The following AP1M1 variants were observed in gnomAD, a reference collection of about 807,000 sequenced individuals.
AP1M1 encodes the protein AP-1 complex subunit mu-1.
AP1M1 carries 18 observed loss-of-function variants against 57.1 expected under a neutral mutation model. The observed-to-expected ratio is 0.32, with a 90% CI of 0.22 to 0.47. The LOEUF (loss-of-function observed/expected upper bound fraction) is 0.47, where lower values mean the gene tolerates loss of function less well. Among genes scored for constraint, AP1M1 ranks in the 20% least tolerant of loss-of-function variants. The pLI is 1.00. For missense variants in AP1M1, 362 were observed against 593.5 expected (o/e 0.61, Z 4.05); for synonymous variants, 241 against 237.9 (o/e 1.01, Z -0.12).
intron 5 of AP1M1, among the ~76,000 whole-genome samples, chr19:16,225,204 G>A (rs1303148753): frequency 6.6e-6 from 1 of 152,186 alleles, no homozygotes; most frequent in African/African-American, 2.4e-5. Flanking sequence ...GCTTTTGTTT[G>A]TCTACCCAGT....
In AP1M1 at chr19:16,232,685, C is replaced by A. The variant is rs146318710; in HGVS notation, c.1048-808C>A. 9.2e-3 allele frequency among the ~76,000 whole-genome samples: 1,399 copies of A among 152,334 alleles called. 6 individuals are homozygous for A. The highest frequency in any genetic ancestry group is 0.027 in the Middle Eastern group (8 of 294). On this transcript the variant is annotated intron_variant, in intron 9 of 11. Coordinates refer to ENST00000291439, the MANE Select transcript of AP1M1 (RefSeq NM_032493.4). ...GGCCCTGCCCCAGGTGCACGGGGAC[C>A]GCCCCTGCTGTGAGGCAGAAACAGC...
Position 16,198,043 on chromosome 19 carries a change from T to C in AP1M1, c.17T>C (p.Val6Ala), listed in dbSNP as rs776608508. 1 of 1,557,236 alleles carries C rather than the reference T, an allele frequency of 6.4e-7. No homozygotes were observed. Among genetic ancestry groups the C allele is most frequent in the South Asian group, 1.1e-5 (1 of 87,946 alleles). The change falls in exon 1 of 12, where the codon GTC becomes GCC. Residue 6 changes from valine (V) to alanine (A), a missense_variant. Around this residue, in one of 2 missense-constraint regions of AP1M1, gnomAD observed 337 missense variants for 511.1 expected, o/e 0.66. Transcript: ENST00000291439. ...GCAGCCATCATGTCCGCCAGCGCCG[T>C]CTACGTGCTGGACCTGAAGGGCAAG... is the stretch of plus-strand genomic sequence containing the variant. The part of the protein sequence containing the change: MSASA[V>A]YVLDLKGKVL...
intron 5 of AP1M1, among the ~76,000 whole-genome samples, chr19:16,224,013 C>A (rs1315841272): frequency 5.9e-5 from 9 of 152,366 alleles, no homozygotes; most frequent in South Asian, 4.1e-4. Context: ...AGCACGCTTG[C>A]TCAGCCCCAG....
chr19:16,209,193 T>C lies in AP1M1; in HGVS notation c.546+16T>C, dbSNP rs2091482818. The C allele has an allele frequency of 6.2e-7, 1 of 1,613,020 alleles. No homozygotes were observed. Among genetic ancestry groups the C allele is most frequent in the Non-Finnish European group, 8.5e-7 (1 of 1,179,512 alleles). ...CAACCTCTTGGTAGGCCTCTTTTCT[T>C]TCCTTCTTCTGTAGGGTTTTATCTC... is the stretch of plus-strand genomic sequence containing the variant. On this transcript the variant is annotated intron_variant, in intron 5 of 11. Coordinates refer to ENST00000291439, the MANE Select transcript of AP1M1 (RefSeq NM_032493.4).
At chr19:16,199,435 G>A (rs926797094) in intron 1 of AP1M1, among the ~76,000 whole-genome samples, 2 of 152,184 alleles carry the variant, frequency 1.3e-5, no homozygotes, top group Admixed American at 1.3e-4. Context: ...TGGCTGCCTG[G>A]CCTGTTGCAT....
At chr19:16,214,930 G>A (rs2091511171) in intron 5 of AP1M1, among the ~76,000 whole-genome samples, 1 of 151,088 alleles carries the variant, frequency 6.6e-6, no homozygotes, top group African/African-American at 2.4e-5. Flanking sequence ...TATGTTTTTG[G>A]TAGAGATGGG....
chr19:16,215,201 GGGGGGGGGGGAGA>G (rs1233898078), intron 5 of AP1M1, among the ~76,000 whole-genome samples: 459 of 10,220 alleles, frequency 0.045, 158 homozygotes, highest in Non-Finnish European at 0.13. Context: ...AGGCGGGGGC[GGGGGGGGGGGAGA>G]GGGGGGAGGG....
In AP1M1 at chr19:16,242,271, C is replaced by CTA. The variant is rs986425633; in HGVS notation, c.*7837_*7838insAT. The CTA allele has an allele frequency of 5.3e-5, 8 of 151,740 alleles. No homozygotes were observed. The highest frequency in any genetic ancestry group is 1.9e-4 in the African/African-American group (8 of 41,322). The allele number at this position is 151,740 out of a possible 1,614,324, so 9.4% of individuals were successfully genotyped here. A position where few individuals can be genotyped will look rare whatever the true frequency, so the allele number is the denominator to read the frequency against. Reference sequence around the variant, plus strand: ...GCTGCAGTGAGCTGTGATTGCACCACTGCACTCCAGGTTGGGTGACAGAGT... The same window carrying CTA: ...GCTGCAGTGAGCTGTGATTGCACCACTATGCACTCCAGGTTGGGTGACAGAGT... On this transcript the variant is annotated 3_prime_UTR_variant, in exon 12 of 12. Coordinates refer to ENST00000291439, the MANE Select transcript of AP1M1 (RefSeq NM_032493.4).
intron 5 of AP1M1, among the ~76,000 whole-genome samples, chr19:16,217,520 G>A (rs113669969): frequency 0.015 from 2,329 of 152,198 alleles, 59 homozygotes; most frequent in African/African-American, 0.053. Flanking sequence ...CCATGGGGCC[G>A]CTGTGCAGGA....
Position 16,234,584 on chromosome 19 carries a change from A to C in AP1M1, c.*149A>C. 1.1e-6 allele frequency: 1 copy of C among 947,426 alleles called. No homozygotes were observed. Among genetic ancestry groups the C allele is most frequent in the Admixed American group, 2.2e-5 (1 of 45,136 alleles). 58.7% of individuals were successfully genotyped at this position (947,426 alleles called of 1,614,324 possible). A position where few individuals can be genotyped will look rare whatever the true frequency, so the allele number is the denominator to read the frequency against. ...CAGGGACCCCTGCCTTCCCCAGGCC[A>C]TCTGCTCTGCCGTCGACACTCGTCT... is the stretch of plus-strand genomic sequence containing the variant. On this transcript the variant is annotated 3_prime_UTR_variant, in exon 12 of 12. Transcript: ENST00000291439.
At chr19:16,224,534 C>T (rs2091561965) in intron 5 of AP1M1, among the ~76,000 whole-genome samples, 2 of 152,236 alleles carry the variant, frequency 1.3e-5, no homozygotes, top group Non-Finnish European at 2.9e-5. Flanking sequence ...AGCAAGCATC[C>T]CTTCAGCACC....
intron 5 of AP1M1, among the ~76,000 whole-genome samples, chr19:16,213,777 G>C (rs2091505789): frequency 6.6e-6 from 1 of 152,190 alleles, no homozygotes; most frequent in Non-Finnish European, 1.5e-5. Flanking sequence ...TTACAGGCAT[G>C]AGCCACTGCA....
At chr19:16,220,204 C>T (rs866044400) in intron 5 of AP1M1, among the ~76,000 whole-genome samples, 2 of 151,608 alleles carry the variant, frequency 1.3e-5, no homozygotes, top group Non-Finnish European at 2.9e-5. Flanking sequence ...CTATTAATTT[C>T]AAAAAAAAGT....
chr19:16,198,559 G>GT (rs1261596199), intron 1 of AP1M1, among the ~76,000 whole-genome samples: 1 of 152,166 alleles, frequency 6.6e-6, no homozygotes, highest in African/African-American at 2.4e-5. Context: ...CACGTTCATT[G>GT]TGATAGTGAG....
Position 16,222,880 on chromosome 19 carries a change from C to T in AP1M1, c.547-3541C>T, listed in dbSNP as rs541159398. Among the ~76,000 whole-genome samples, 5 of 152,228 alleles carry T rather than the reference C, an allele frequency of 3.3e-5. No individual in the cohort carries two copies. The South Asian group carries it at 1.0e-3, about 32-fold the overall frequency. The stretch of plus-strand genomic sequence containing the variant: ...TTTATCATCTGTTTCTTTGCTGAGA[C>T]TTTCTATTTTAACATTTGTTGCAAG... On this transcript the variant is annotated intron_variant, in intron 5 of 11. Transcript: ENST00000291439.
At chr19:16,215,210 GGAGA>G (rs1486923137) in intron 5 of AP1M1, among the ~76,000 whole-genome samples, 1 of 38,458 alleles carries the variant, frequency 2.6e-5, no homozygotes, top group Non-Finnish European at 7.4e-5. Context: ...CGGGGGGGGG[GGAGA>G]GGGGGGAGGG....
In AP1M1 at chr19:16,239,651, GGC is replaced by G. The variant is rs769343522; in HGVS notation, c.*5217_*5218del. On this transcript the variant is annotated 3_prime_UTR_variant, in exon 12 of 12. Coordinates refer to ENST00000291439, the MANE Select transcript of AP1M1 (RefSeq NM_032493.4). ...TACAAAAGAATTAGCTGGGCGTAGTGGCTCATACCTGTAATCCCAGCTACTCA... is the reference window on the plus strand; with the variant it reads ...TACAAAAGAATTAGCTGGGCGTAGTGTCATACCTGTAATCCCAGCTACTCA... 3.3e-5 allele frequency: 5 copies of G among 151,938 alleles called. No homozygotes were observed. Among genetic ancestry groups the G allele is most frequent in the Admixed American group, 6.6e-5 (1 of 15,244 alleles). The allele number at this position is 151,938 out of a possible 1,614,324, so 9.4% of individuals were successfully genotyped here. A position where few individuals can be genotyped will look rare whatever the true frequency, so the allele number is the denominator to read the frequency against.
rs1227366261 is a variant in AP1M1, at chr19:16,238,078, C to T, written c.*3643C>T. ...TGGTCTCCAACTCCTGGGCTTGAGC[C>T]ATCATCCTGCCTTGGCCTCCCAAAG... On this transcript the variant is annotated 3_prime_UTR_variant, in exon 12 of 12. Coordinates refer to ENST00000291439, the MANE Select transcript of AP1M1 (RefSeq NM_032493.4). 3 of 152,228 alleles carry T rather than the reference C, an allele frequency of 2.0e-5. No homozygotes were observed. Among genetic ancestry groups the T allele is most frequent in the Non-Finnish European group, 2.9e-5 (2 of 68,128 alleles). The allele number at this position is 152,228 out of a possible 1,614,324, so 9.4% of individuals were successfully genotyped here.
chr19:16,226,720 C>A, intron 6 of AP1M1, 173 bp downstream of exon 6: 1 of 876,110 alleles, frequency 1.1e-6, no homozygotes, highest in Non-Finnish European at 1.7e-6. Flanking sequence ...CTTCCCTGGA[C>A]ATAGAAGGTG....
Sources: gnomAD v4.1 joint callset for allele counts (sites outside exome capture counted in the v4.1 genomes callset) on GRCh38, gnomAD v4.1.1 for gene constraint, gnomAD v4.1.1 regional missense constraint, MANE v1.5 for transcripts, NCBI Gene and HGNC (gene_info 2026-07-23, HGNC 2026-07-21) for gene names.